The following MYH9 variants were observed in gnomAD, a reference collection of about 807,000 sequenced individuals.
MYH9 encodes myosin heavy chain 9.
MYH9 carries 29 observed loss-of-function variants against 241.9 expected under a neutral mutation model. That is an observed-to-expected ratio of 0.12 (90% CI 0.09 to 0.16). The LOEUF (loss-of-function observed/expected upper bound fraction) is 0.16. Among genes scored for constraint, MYH9 ranks in the 10% least tolerant of loss-of-function variants. The pLI, the probability that MYH9 is intolerant of heterozygous loss-of-function variation, is 1.00. For missense variants in MYH9, 1,803 were observed against 2,595.5 expected (o/e 0.69, Z 6.63); for synonymous variants, 1,047 against 1,062.6 (o/e 0.99, Z 0.29).
intron 30 of MYH9, among the ~76,000 whole-genome samples, chr22:36,292,472 C>G (rs1354021736): frequency 1.3e-5 from 2 of 152,116 alleles, no homozygotes; most frequent in Non-Finnish European, 2.9e-5. Context: ...ACCCCCAGGC[C>G]CGCTGTGGGG....
At chr22:36,364,637 A>T (rs1258503815) in intron 1 of MYH9, 1 of 152,064 alleles carries the variant, frequency 6.6e-6, no homozygotes, top group Admixed American at 6.6e-5. Flanking sequence ...CCGTACACTA[A>T]TTTTTATTTT....
intron 31 of MYH9, among the ~76,000 whole-genome samples, chr22:36,290,607 C>G (rs1569534857): frequency 6.6e-6 from 1 of 151,126 alleles, no homozygotes; most frequent in East Asian, 2.0e-4. Flanking sequence ...CCTGGCCGCC[C>G]ATCGTCTGGG....
At position 36,285,809 on chromosome 22, in the gene MYH9, G is replaced by A. The variant is rs1167429419; in HGVS notation, c.5151-28C>T. On this transcript the variant is annotated intron_variant, in intron 36 of 40. Coordinates refer to ENST00000216181, the MANE Select transcript of MYH9 (RefSeq NM_002473.6). This position sits in a 1 kb window ranked among gnomAD's most constrained non-coding sequence, Gnocchi z 7.0. ...GCGGGGTGGGCGGGAGAAGTGAGGG[G>A]CCTACCCTGGGGACACACCTGGTCC... 1 of 1,612,200 alleles carries A rather than the reference G, an allele frequency of 6.2e-7. No individual in the cohort carries two copies. The highest frequency in any genetic ancestry group is 8.5e-7 in the Non-Finnish European group (1 of 1,179,458).
chr22:36,314,344 A>G, intron 12 of MYH9, 26 bp from the exon 13 acceptor site: 1 of 1,613,354 alleles, frequency 6.2e-7, no homozygotes, highest in African/African-American at 1.3e-5. Flanking sequence ...ACAATGTCAG[A>G]GAGACGCCAA....
intron 2 of MYH9, among the ~76,000 whole-genome samples, chr22:36,344,335 G>A (rs1341227426): frequency 6.6e-6 from 1 of 152,248 alleles, no homozygotes; most frequent in African/African-American, 2.4e-5. Flanking sequence ...CAGAGCAGCT[G>A]TGGCTCAGAA....
At position 36,306,181 on chromosome 22, in the gene MYH9, G is replaced by C; in HGVS notation, c.2038-130C>G. ...GGGGTCGCTACAGCCCACAGGTTTGGACAATGAAGTCAAAGGATCCAGGTC... is the reference window on the plus strand; with the variant it reads ...GGGGTCGCTACAGCCCACAGGTTTGCACAATGAAGTCAAAGGATCCAGGTC... On this transcript the variant is annotated intron_variant, in intron 16 of 40. Coordinates refer to ENST00000216181, the MANE Select transcript of MYH9 (RefSeq NM_002473.6). The surrounding 1 kb of genome is among the most constrained non-coding windows in gnomAD (Gnocchi z 4.1). The C allele has an allele frequency of 6.8e-7, 1 of 1,479,040 alleles. No homozygotes were observed. The highest frequency in any genetic ancestry group is 9.3e-7 in the Non-Finnish European group (1 of 1,077,132). The allele number at this position is 1,479,040 out of a possible 1,614,324, so 91.6% of individuals were successfully genotyped here. A position where few individuals can be genotyped will look rare whatever the true frequency, so the allele number is the denominator to read the frequency against.
At chr22:36,361,431 G>A (rs2017934017) in intron 1 of MYH9, among the ~76,000 whole-genome samples, 2 of 152,290 alleles carry the variant, frequency 1.3e-5, no homozygotes, top group South Asian at 4.1e-4. Context: ...CCAAGGGAGG[G>A]CCTGTGGTCA....
chr22:36,308,270 A>ATT (rs59819767), intron 15 of MYH9, among the ~76,000 whole-genome samples: 8 of 143,682 alleles, frequency 5.6e-5, no homozygotes, highest in Non-Finnish European at 9.2e-5. Flanking sequence ...CTGTTTTAAG[A>ATT]TTTTTTTTTT....
intron 24 of MYH9, 82 bp from the exon 25 acceptor site, chr22:36,297,096 A>G (rs937674868): frequency 1.9e-5 from 28 of 1,483,470 alleles, no homozygotes; most frequent in Middle Eastern, 1.7e-4. Context: ...AATACTGAGC[A>G]CTCGTTATGA....
At chr22:36,297,492 A>T (rs909652185) in intron 24 of MYH9, among the ~76,000 whole-genome samples, 3 of 152,226 alleles carry the variant, frequency 2.0e-5, no homozygotes, top group Non-Finnish European at 4.4e-5. Context: ...AAAAGGAGAC[A>T]GCCTACTTCA....
rs1193072125 is a variant in MYH9 at position 36,288,805 on chromosome 22, G to A, written c.4692C>T (p.Ala1564=). 9 of 1,613,078 alleles carry A rather than the reference G, an allele frequency of 5.6e-6. No individual in the cohort carries two copies. The highest frequency in any genetic ancestry group is 1.7e-5 in the Admixed American group (1 of 60,012). The change falls in exon 33 of 41, where the codon GCC becomes GCT. Residue 1564 remains alanine (A), a synonymous_variant. Coordinates refer to ENST00000216181, the MANE Select transcript of MYH9 (RefSeq NM_002473.6). The surrounding 1 kb of genome is among the most constrained non-coding windows in gnomAD (Gnocchi z 4.8). ...AKLRLEVNLQ[A]MKAQFERDLQ... is the part of the protein sequence containing the mutation. The stretch of plus-strand genomic sequence containing the variant: ...GGTCCCGCTCGAACTGGGCCTTCAT[G>A]GCCTGCAGGTTGACCTCCAACCGCA...
intron 3 of MYH9, among the ~76,000 whole-genome samples, chr22:36,333,314 G>C (rs1367477309): frequency 6.6e-6 from 1 of 152,200 alleles, no homozygotes; most frequent in Non-Finnish European, 1.5e-5. Flanking sequence ...TCGGTAGAAG[G>C]AAAGGCATGT....
At position 36,306,422 on chromosome 22, in the gene MYH9, C is replaced by T. The variant is rs1181607328; in HGVS notation, c.2029G>A (p.Glu677Lys). 2 of 1,614,054 alleles carry T rather than the reference C, an allele frequency of 1.2e-6. No homozygotes were observed. The highest frequency in any genetic ancestry group is 1.7e-6 in the Non-Finnish European group (2 of 1,180,032). The change falls in exon 16 of 41, where the codon GAG (glutamate) becomes AAG (lysine). Residue 677 changes from glutamate to lysine, a missense_variant. This residue lies in a region of MYH9 where 163 missense variants were observed against 349.7 expected (regional missense o/e 0.47). Transcript: ENST00000216181. The surrounding 1 kb of genome is among the most constrained non-coding windows in gnomAD (Gnocchi z 4.1). ...CCACCAGGCAGCCGCACCTTCTTCT[C>T]GTGGTTGGGGATGATGCAGCGGACA... ...NFVRCIIPNHEKKAGKLDPHL... is the reference protein window; with the variant it reads ...NFVRCIIPNHKKKAGKLDPHL...
At chr22:36,343,303 G>A (rs1206417085) in intron 2 of MYH9, among the ~76,000 whole-genome samples, 1 of 152,176 alleles carries the variant, frequency 6.6e-6, no homozygotes, top group Non-Finnish European at 1.5e-5. Context: ...GGGGAGGCCA[G>A]GGTGAGAGGA....
At position 36,302,668 on chromosome 22, in the gene MYH9, G is replaced by T; in HGVS notation, c.2399C>A (p.Ala800Asp). 1.2e-6 allele frequency: 2 copies of T among 1,613,112 alleles called. No individual in the cohort carries two copies. The highest frequency in any genetic ancestry group is 1.7e-6 in the Non-Finnish European group (2 of 1,179,644). ...CRGYLARKAFAKRQQQLTAMK... is the reference protein window; with the variant it reads ...CRGYLARKAFDKRQQQLTAMK... ...GGCGGTAAGCTGCTGCTGCCGCTTG[G>T]CAAATGCTCTGTGTGGTGAGGAACA... is the stretch of plus-strand genomic sequence containing the variant. The change falls in exon 20 of 41, where the codon GCC (alanine) becomes GAC (aspartate). Residue 800 changes from alanine to aspartate, a missense_variant. This residue lies in a region of MYH9 where 72 missense variants were observed against 83.3 expected (regional missense o/e 0.86). Transcript: ENST00000216181.
Position 36,320,744 on chromosome 22 carries a change from C to G in MYH9, c.868+54G>C, listed in dbSNP as rs2017236880. 2 of 1,478,728 alleles carry G rather than the reference C, an allele frequency of 1.4e-6. No homozygotes were observed. Among genetic ancestry groups the G allele is most frequent in the African/African-American group, 2.8e-5 (2 of 72,284 alleles). The allele number at this position is 1,478,728 out of a possible 1,614,324, so 91.6% of individuals were successfully genotyped here. On this transcript the variant is annotated intron_variant, in intron 8 of 40. Transcript: ENST00000216181. This position sits in a 1 kb window ranked among gnomAD's most constrained non-coding sequence, Gnocchi z 4.8. ...AATGATGTCTACGGTCCAATTCTGG[C>G]AAGAGGCCCAGAGCCCGGCAGCCCC...
chr22:36,364,387 T>C (rs182001911), intron 1 of MYH9, among the ~76,000 whole-genome samples: 2 of 152,134 alleles, frequency 1.3e-5, no homozygotes, highest in Admixed American at 1.3e-4. Flanking sequence ...TTCCCAAAGG[T>C]CCAGACTCCA....
At chr22:36,381,275 G>A (rs1425594095) in intron 1 of MYH9, among the ~76,000 whole-genome samples, 2 of 152,142 alleles carry the variant, frequency 1.3e-5, no homozygotes, top group Non-Finnish European at 2.9e-5. Context: ...AGCACTTTGG[G>A]AAGAAGAAGC....
chr22:36,361,887 T>C (rs531272626), intron 1 of MYH9, among the ~76,000 whole-genome samples: 7 of 152,210 alleles, frequency 4.6e-5, no homozygotes, highest in African/African-American at 2.4e-5. Context: ...CTGGCCAACA[T>C]GGTGAAACCC....
Sources: gnomAD v4.1 joint callset for allele counts (sites outside exome capture counted in the v4.1 genomes callset) on GRCh38, gnomAD v4.1.1 for gene constraint, gnomAD v4.1.1 regional missense constraint, Gnocchi (gnomAD v3.1) non-coding constraint, MANE v1.5 for transcripts, NCBI Gene and HGNC (gene_info 2026-07-23, HGNC 2026-07-21) for gene names.